The following OPRM1 variants were observed in gnomAD, a reference collection of about 807,000 sequenced individuals.
OPRM1 encodes the protein opioid receptor mu 1.
In OPRM1, 27 loss-of-function variants were observed where a neutral mutation model predicts 31.8. The ratio of observed to expected loss-of-function variants is 0.85; its 90% CI spans 0.63 to 1.17. The LOEUF is 1.17. Ranked by LOEUF, OPRM1 falls within the 50% of genes most tolerant of loss-of-function variation. The pLI, the probability that OPRM1 is intolerant of heterozygous loss-of-function variation, is 0.00. For synonymous variants in OPRM1, 196 were observed against 189.9 expected (o/e 1.03, Z -0.26); for missense variants, 536 against 511.1 (o/e 1.05, Z -0.47).
chr6:154,193,898 T>C (rs142492756), intron 3 of OPRM1, among the ~76,000 whole-genome samples: 1 of 152,328 alleles, frequency 6.6e-6, no homozygotes, highest in African/African-American at 2.4e-5. Flanking sequence ...AAAAAACTGT[T>C]GATAAAACAC....
At chr6:154,163,418 T>C (rs1799181615) in intron 3 of OPRM1, among the ~76,000 whole-genome samples, 1 of 152,254 alleles carries the variant, frequency 6.6e-6, no homozygotes. Flanking sequence ...AAGAGGCCTT[T>C]CATGTCCTTC....
downstream of OPRM1, among the ~76,000 whole-genome samples, chr6:154,136,715 G>A (rs1798069919): frequency 6.6e-6 from 1 of 152,116 alleles, no homozygotes; most frequent in Non-Finnish European, 1.5e-5. Flanking sequence ...TCAAATACAT[G>A]GGGAGAGTGG....
intron 3 of OPRM1, chr6:154,159,868 T>C: frequency 6.2e-7 from 1 of 1,612,078 alleles, no homozygotes; most frequent in Non-Finnish European, 8.5e-7. Context: ...AGGTGATTTC[T>C]TGAGTTCCTG....
chr6:154,116,572 G>T lies in OPRM1; in HGVS notation c.1165-2111G>T, dbSNP rs1796898566. Among the ~76,000 whole-genome samples the T allele has an allele frequency of 2.1e-5, 3 of 144,526 alleles. No individual in the cohort carries two copies. In the South Asian group the frequency reaches 6.5e-4, roughly 31 times the overall value. The allele number at this position is 144,526 out of a possible 152,430, so 94.8% of individuals were successfully genotyped here. ...TGCACTCTAGCCTGGGTGACAGAACGAGACTCTGCCTCAAAAAAAAAAAAA... is the reference window on the plus strand; with the variant it reads ...TGCACTCTAGCCTGGGTGACAGAACTAGACTCTGCCTCAAAAAAAAAAAAA... On this transcript the variant is annotated intron_variant, in intron 3 of 3. Coordinates refer to ENST00000330432, the MANE Select transcript of OPRM1 (RefSeq NM_000914.5).
rs1387093283 is a variant in OPRM1, at chr6:154,119,026, T to A, written c.*305T>A. ...GTCATCATAAAAGGTGACCCTTCTG[T>A]CTGTAAGATTTTATTTTCAAGCAAA... On this transcript the variant is annotated 3_prime_UTR_variant, in exon 4 of 4. Coordinates refer to ENST00000330432, the MANE Select transcript of OPRM1 (RefSeq NM_000914.5). 1 of 1,111,224 alleles carries A rather than the reference T, an allele frequency of 9.0e-7. No individual in the cohort carries two copies. Among genetic ancestry groups the A allele is most frequent in the Non-Finnish European group, 1.1e-6 (1 of 910,960 alleles). The allele number at this position is 1,111,224 out of a possible 1,614,324, so 68.8% of individuals were successfully genotyped here. A position where few individuals can be genotyped will look rare whatever the true frequency, so the allele number is the denominator to read the frequency against.
At chr6:154,022,099 G>A (rs904329500) in intron 1 of OPRM1, among the ~76,000 whole-genome samples, 4 of 152,184 alleles carry the variant, frequency 2.6e-5, no homozygotes, top group Admixed American at 6.5e-5. Flanking sequence ...TAAGTATGAC[G>A]TTAGCTGAAA....
At chr6:154,028,367 C>T (rs1334477561) in intron 1 of OPRM1, among the ~76,000 whole-genome samples, 4 of 152,146 alleles carry the variant, frequency 2.6e-5, no homozygotes. Flanking sequence ...CGAAGTCCTC[C>T]CCACTCTTCC....
chr6:154,039,410 G>T lies in OPRM1; in HGVS notation c.-135G>T. ...CCGCCTGACGCTCCTCTCTGTCTCA[G>T]CCAGGACTGGTTTCTGTAAGAAACA... On this transcript the variant is annotated 5_prime_UTR_variant, in exon 1 of 4. Coordinates refer to ENST00000330432, the MANE Select transcript of OPRM1 (RefSeq NM_000914.5). 6.5e-7 allele frequency: 1 copy of T among 1,550,320 alleles called. No homozygotes were observed. Among genetic ancestry groups the T allele is most frequent in the Non-Finnish European group, 8.7e-7 (1 of 1,146,166 alleles).
At chr6:154,013,619 T>A (rs1777847191) in intron 1 of OPRM1, among the ~76,000 whole-genome samples, 1 of 152,182 alleles carries the variant, frequency 6.6e-6, no homozygotes, top group African/African-American at 2.4e-5. Flanking sequence ...AGTGTGTCCA[T>A]TAGTTTACTA....
At chr6:154,101,260 T>G (rs916472194) in intron 3 of OPRM1, among the ~76,000 whole-genome samples, 3 of 152,170 alleles carry the variant, frequency 2.0e-5, no homozygotes, top group African/African-American at 4.8e-5. Context: ...ACTCTTACTC[T>G]TCTTCATTCT....
chr6:154,042,811 G>T (rs978615210), intron 1 of OPRM1, among the ~76,000 whole-genome samples: 2 of 152,076 alleles, frequency 1.3e-5, no homozygotes, highest in Middle Eastern at 3.2e-3. Context: ...GAAAAATAAT[G>T]CTTGGAGAAT....
chr6:154,096,740 C>G (rs1400732062), intron 3 of OPRM1, among the ~76,000 whole-genome samples: 1 of 152,118 alleles, frequency 6.6e-6, no homozygotes. Flanking sequence ...CAGACAAGCA[C>G]CCAGGGCTTC....
At chr6:154,091,680 T>G (rs1312254699) in intron 3 of OPRM1, 30 of 1,334,760 alleles carry the variant, frequency 2.2e-5, no homozygotes, top group Non-Finnish European at 2.8e-5. Flanking sequence ...GGTATAAAGA[T>G]ACACCAATGA....
chr6:154,235,693 AAAATACAC>A (rs1780076009), intron 3 of OPRM1, among the ~76,000 whole-genome samples: 1 of 152,194 alleles, frequency 6.6e-6, no homozygotes, highest in African/African-American at 2.4e-5. Flanking sequence ...CTGTACTATT[AAAATACAC>A]CACCACCACC....
chr6:154,147,785 G>A (rs931357828), intron 3 of OPRM1, among the ~76,000 whole-genome samples: 1 of 152,156 alleles, frequency 6.6e-6, no homozygotes, highest in Non-Finnish European at 1.5e-5. Flanking sequence ...GCAGGAGCAG[G>A]ACCTCTAGAT....
intron 3 of OPRM1, among the ~76,000 whole-genome samples, chr6:154,101,098 A>C (rs1314590022): frequency 6.6e-6 from 1 of 151,976 alleles, no homozygotes; most frequent in African/African-American, 2.4e-5. Context: ...AGAATAACTT[A>C]ATCAACAAAT....
At chr6:154,088,177 C>T (rs1383859678) in intron 1 of OPRM1, among the ~76,000 whole-genome samples, 1 of 151,614 alleles carries the variant, frequency 6.6e-6, no homozygotes, top group African/African-American at 2.4e-5. Flanking sequence ...AGATGAATCT[C>T]AAAATAATGA....
At chr6:154,163,755 TA>T (rs1278706603) in intron 3 of OPRM1, among the ~76,000 whole-genome samples, 2 of 152,212 alleles carry the variant, frequency 1.3e-5, no homozygotes, top group African/African-American at 4.8e-5. Flanking sequence ...TTCTGAACCC[TA>T]TTTGGAGTCT....
chr6:154,246,621 C>T (rs770863112), intron 3 of OPRM1: 1 of 1,613,952 alleles, frequency 6.2e-7, no homozygotes, highest in Non-Finnish European at 8.5e-7. Flanking sequence ...ACAGTGACGA[C>T]CCCTTCAGTA....
Sources: gnomAD v4.1 joint callset for allele counts (sites outside exome capture counted in the v4.1 genomes callset) on GRCh38, gnomAD v4.1.1 for gene constraint, MANE v1.5 for transcripts, NCBI Gene and HGNC (gene_info 2026-07-23, HGNC 2026-07-21) for gene names.